Variants in CSMD2 observed in about 807,000 individuals in gnomAD.
CSMD2 encodes the protein CUB and Sushi multiple domains 2, also known as CUB and sushi domain-containing protein 2.
A neutral mutation model predicts 398.5 loss-of-function variants in CSMD2; 130 were observed. That is an observed-to-expected ratio of 0.33 (90% CI 0.28 to 0.38). CSMD2 has a LOEUF of 0.38. CSMD2 is among the 10% of genes least tolerant of loss of function. The pLI is 1.00. For synonymous variants in CSMD2, 1,828 were observed against 1,908.5 expected (o/e 0.96, Z 1.10); for missense variants, 3,829 against 4,764.9 (o/e 0.80, Z 5.78).
At chr1:34,008,188 T>C (rs1647120363) in intron 3 of CSMD2, among the ~76,000 whole-genome samples, 1 of 152,232 alleles carries the variant, frequency 6.6e-6, no homozygotes, top group African/African-American at 2.4e-5. Flanking sequence ...ACTTTACGTT[T>C]ACCACCCATC....
chr1:33,535,512 T>C (rs540462419), intron 62 of CSMD2, among the ~76,000 whole-genome samples: 24 of 152,348 alleles, frequency 1.6e-4, no homozygotes, highest in African/African-American at 4.8e-4. Context: ...TTCTTTGCTG[T>C]ATAATAATCC....
At position 33,546,200 on chromosome 1, in the gene CSMD2, G is replaced by A. The variant is rs147678553; in HGVS notation, c.8937C>T (p.Cys2979=). ...CATGAGCCGGGATCCCAGGGTCACC[G>A]CAAACTCCCACGCTGGTTCCTATGG... ...PHCSGTSVGV[C]GDPGIPAHGI... The change falls in exon 57 of 71, where the codon TGC becomes TGT. Residue 2979 remains cysteine (C), a synonymous_variant. Coordinates refer to ENST00000373381, the MANE Select transcript of CSMD2 (RefSeq NM_001281956.2). 118 of 1,613,630 alleles carry A rather than the reference G, an allele frequency of 7.3e-5. 1 individual carries two copies. The highest frequency in any genetic ancestry group is 8.7e-5 in the Non-Finnish European group (103 of 1,179,700).
intron 62 of CSMD2, 65 bp downstream of exon 62, chr1:33,536,957 C>T (rs1263977133): frequency 2.0e-6 from 3 of 1,515,448 alleles, no homozygotes; most frequent in Non-Finnish European, 2.8e-6. Context: ...TCTGGGTCCT[C>T]TTATGTTGAC....
chr1:33,854,748 C>T lies in CSMD2; in HGVS notation c.921-7752G>A, dbSNP rs1341620527. Among the ~76,000 whole-genome samples, 4 of 152,202 alleles carry T rather than the reference C, an allele frequency of 2.6e-5. No homozygotes were observed. The East Asian group carries it at 5.8e-4, about 22-fold the overall frequency. ...TTCTTGCTCAGCTAATTGTTAGCTCCAGGGAACCCACAGAAACCACATCAG... is the reference window on the plus strand; with the variant it reads ...TTCTTGCTCAGCTAATTGTTAGCTCTAGGGAACCCACAGAAACCACATCAG... On this transcript the variant is annotated intron_variant, in intron 5 of 70. Transcript: ENST00000373381.
intron 6 of CSMD2, among the ~76,000 whole-genome samples, chr1:33,828,532 G>T (rs142856304): frequency 6.6e-6 from 1 of 152,312 alleles, no homozygotes; most frequent in East Asian, 1.9e-4. Flanking sequence ...TGTTGCTAGA[G>T]GAAGGGGAAT....
intron 3 of CSMD2, among the ~76,000 whole-genome samples, chr1:34,006,297 G>C (rs994741159): frequency 6.6e-6 from 1 of 152,078 alleles, no homozygotes; most frequent in African/African-American, 2.4e-5. Context: ...TGGGGATGCT[G>C]TACGTTGCAC....
intron 25 of CSMD2, among the ~76,000 whole-genome samples, chr1:33,675,630 C>A (rs1224133476): frequency 4.6e-5 from 7 of 152,162 alleles, no homozygotes; most frequent in Non-Finnish European, 8.8e-5. Flanking sequence ...CATTCTGATA[C>A]CAAAGCCTGG....
At chr1:33,951,047 C>G (rs762077724) in intron 3 of CSMD2, among the ~76,000 whole-genome samples, 1 of 152,172 alleles carries the variant, frequency 6.6e-6, no homozygotes, top group Non-Finnish European at 1.5e-5. Context: ...TTTCTCTTTC[C>G]CCTTGGTCCT....
chr1:33,659,236 A>G (rs925189462), intron 26 of CSMD2, among the ~76,000 whole-genome samples: 4 of 152,258 alleles, frequency 2.6e-5, no homozygotes, highest in African/African-American at 9.6e-5. Flanking sequence ...GAATACATAA[A>G]TAGGAGAATG....
intron 2 of CSMD2, among the ~76,000 whole-genome samples, chr1:34,069,424 C>T (rs770658484): frequency 6.6e-6 from 1 of 152,092 alleles, no homozygotes; most frequent in Non-Finnish European, 1.5e-5. Flanking sequence ...ACAGGCTAAC[C>T]GTGGGTGCTT....
At chr1:33,897,499 C>CTGCT (rs1468307381) in intron 5 of CSMD2, among the ~76,000 whole-genome samples, 1 of 152,244 alleles carries the variant, frequency 6.6e-6, no homozygotes, top group Non-Finnish European at 1.5e-5. Flanking sequence ...CAAGCTGCTG[C>CTGCT]TGCTGTCTTT....
chr1:33,569,317 A>T, intron 52 of CSMD2, 57 bp downstream of exon 52: 1 of 1,523,062 alleles, frequency 6.6e-7, no homozygotes, highest in South Asian at 1.3e-5. Context: ...CTTTGGAAAG[A>T]TCTAATCTAT....
intron 3 of CSMD2, among the ~76,000 whole-genome samples, chr1:34,009,988 G>A (rs985316667): frequency 4.6e-5 from 7 of 152,164 alleles, no homozygotes; most frequent in African/African-American, 1.7e-4. Context: ...AGCAGCCAGA[G>A]TGATCTTTTG....
rs1043640435 is a variant in CSMD2, at chr1:33,564,150, C to T, written c.8380+3443G>A. ...GCTGCTTAACATCTGGATCAGACACCGGTCTAACTATCTTATGTGTATTAA... is the reference window on the plus strand; with the variant it reads ...GCTGCTTAACATCTGGATCAGACACTGGTCTAACTATCTTATGTGTATTAA... On this transcript the variant is annotated intron_variant, in intron 53 of 70. Transcript: ENST00000373381. Among the ~76,000 whole-genome samples the T allele has an allele frequency of 6.6e-5, 10 of 152,250 alleles. No homozygotes were observed. In the South Asian group the frequency reaches 1.2e-3, roughly 19 times the overall value.
At chr1:33,721,406 T>C (rs941545173) in intron 19 of CSMD2, among the ~76,000 whole-genome samples, 5 of 152,192 alleles carry the variant, frequency 3.3e-5, no homozygotes, top group Non-Finnish European at 5.9e-5. Flanking sequence ...GTGAGCTTGA[T>C]TGACTTCCAG....
At chr1:33,855,859 C>T (rs1639047073) in intron 5 of CSMD2, among the ~76,000 whole-genome samples, 1 of 152,184 alleles carries the variant, frequency 6.6e-6, no homozygotes, top group African/African-American at 2.4e-5. Flanking sequence ...GGAGTCTCTG[C>T]CTAAGTAAAG....
intron 58 of CSMD2, 83 bp from the exon 59 acceptor site, chr1:33,541,392 T>G (rs1656324566): frequency 9.6e-7 from 1 of 1,040,694 alleles, no homozygotes; most frequent in Non-Finnish European, 1.5e-6. Context: ...ACTCCCTGCA[T>G]GCATCCAAGA....
rs1440590756 is a variant in CSMD2 at position 33,624,254 on chromosome 1, C to T, written c.5625+265G>A. Among the ~76,000 whole-genome samples the T allele has an allele frequency of 1.3e-5, 2 of 152,230 alleles. No homozygotes were observed. Among genetic ancestry groups the T allele is most frequent in the African/African-American group, 4.8e-5 (2 of 41,464 alleles). On this transcript the variant is annotated intron_variant, in intron 35 of 70. Coordinates refer to ENST00000373381, the MANE Select transcript of CSMD2 (RefSeq NM_001281956.2). The surrounding 1 kb of genome is among the most constrained non-coding windows in gnomAD (Gnocchi z 4.7). ...CATGGCCAATCAATGCCCACCTCTC[C>T]TCCTTCCTGGGTTACCCGACTCCCA...
intron 23 of CSMD2, among the ~76,000 whole-genome samples, 167 bp downstream of exon 23, chr1:33,700,350 C>T (rs947745246): frequency 3.9e-5 from 6 of 152,154 alleles, no homozygotes; most frequent in African/African-American, 1.2e-4. Context: ...ATTGTATGAA[C>T]ATATCACATT....
Sources: allele counts gnomAD v4.1 joint callset (sites outside exome capture counted in the v4.1 genomes callset), GRCh38; gene constraint gnomAD v4.1.1; non-coding constraint Gnocchi (gnomAD v3.1); transcripts MANE v1.5; gene names NCBI Gene and HGNC (gene_info 2026-07-23, HGNC 2026-07-21).